NEBL: variants seen among roughly 807,000 people sequenced by gnomAD.
NEBL encodes the protein LIM and SH3 protein 2.
Under a neutral mutation model 140.2 loss-of-function variants are expected in NEBL, and 122 were observed. That is an observed-to-expected ratio of 0.87 (90% CI 0.75 to 1.01). The LOEUF (loss-of-function observed/expected upper bound fraction) is 1.01. Among genes scored for constraint, NEBL ranks in the 50% least tolerant of loss-of-function variants. The probability of loss-of-function intolerance (pLI) is 0.00; values close to 1 mark genes in which losing one functional copy is unlikely to be tolerated. For missense variants in NEBL, 1,365 were observed against 1,231.3 expected, an observed-to-expected ratio of 1.11 and a Z score of -1.62; for synonymous variants, 436 against 398.9, an observed-to-expected ratio of 1.09 and a Z score of -1.11.
chr10:20,967,580 A>G (rs1836376966), intron 3 of NEBL, among the ~76,000 whole-genome samples: 1 of 151,968 alleles, frequency 6.6e-6, no homozygotes, highest in Non-Finnish European at 1.5e-5. Flanking sequence ...GTGAGCTGAT[A>G]TCACACTGCT....
At chr10:21,002,750 CACTT>C (rs1420148263) in intron 3 of NEBL, among the ~76,000 whole-genome samples, 2 of 152,134 alleles carry the variant, frequency 1.3e-5, no homozygotes, top group African/African-American at 2.4e-5. Flanking sequence ...CGGGAGAACT[CACTT>C]ACCATCACGA....
rs903350451 is a variant in NEBL at position 20,870,219 on chromosome 10, G to A, written c.481-378C>T. The stretch of plus-strand genomic sequence containing the variant: ...TGTGCGCCTGTAATCCCAGCTACTC[G>A]GGAGGCTGAGGAAGGAAAATCGCTC... On this transcript the variant is annotated intron_variant, in intron 5 of 27. Coordinates refer to ENST00000377122, the MANE Select transcript of NEBL (RefSeq NM_006393.3). 5.9e-5 allele frequency among the ~76,000 whole-genome samples: 9 copies of A among 151,512 alleles called. No individual in the cohort carries two copies. The South Asian group carries it at 1.0e-3, about 18-fold the overall frequency.
intron 23 of NEBL, among the ~76,000 whole-genome samples, chr10:20,813,351 A>G (rs1838360312): frequency 6.6e-6 from 1 of 152,018 alleles, no homozygotes; most frequent in Non-Finnish European, 1.5e-5. Flanking sequence ...AAATGGCATT[A>G]TTTAAAATCA....
intron 19 of NEBL, among the ~76,000 whole-genome samples, chr10:20,822,860 C>G (rs774763096): frequency 5.3e-5 from 8 of 152,058 alleles, no homozygotes; most frequent in Non-Finnish European, 1.2e-4. Flanking sequence ...GTGGCGATGT[C>G]TGGGCTTTTA....
At chr10:21,255,218 T>C (rs565121771) in intron 1 of NEBL, among the ~76,000 whole-genome samples, 207 of 152,122 alleles carry the variant, frequency 1.4e-3, no homozygotes, top group Middle Eastern at 3.4e-3. Context: ...GTGGCACATA[T>C]GGGAATTAGA....
upstream of NEBL, chr10:20,897,648 T>C (rs2131416725): frequency 4.5e-6 from 3 of 661,014 alleles, no homozygotes; most frequent in Non-Finnish European, 5.6e-6. Flanking sequence ...CTTGTCTCTG[T>C]CTAAATAAAG....
intron 4 of NEBL, among the ~76,000 whole-genome samples, chr10:20,945,819 C>A (rs773793639): frequency 1.3e-5 from 2 of 152,018 alleles, no homozygotes; most frequent in Non-Finnish European, 2.9e-5. Context: ...GATTCAAGTA[C>A]TGGACTTTGA....
intron 2 of NEBL, among the ~76,000 whole-genome samples, chr10:20,891,921 T>G (rs920137002): frequency 6.6e-6 from 1 of 152,194 alleles, no homozygotes; most frequent in Admixed American, 6.5e-5. Context: ...AGATACATAT[T>G]AGTAGCCTTC....
At chr10:21,176,356 T>C (rs1161397645), upstream of NEBL, among the ~76,000 whole-genome samples, 1 of 152,194 alleles carries the variant, frequency 6.6e-6, no homozygotes, top group Non-Finnish European at 1.5e-5. Context: ...TGACATACAG[T>C]ATGAATGAAA....
chr10:21,288,967 C>T (rs1843106380), intron 1 of NEBL, among the ~76,000 whole-genome samples: 2 of 148,324 alleles, frequency 1.3e-5, no homozygotes, highest in South Asian at 4.4e-4. Context: ...TCTGCCTCAG[C>T]CTCCCGAGTA....
chr10:20,958,291 C>T (rs1835897498), intron 4 of NEBL, among the ~76,000 whole-genome samples: 1 of 152,056 alleles, frequency 6.6e-6, no homozygotes, highest in South Asian at 2.1e-4. Context: ...ATATTTCTGC[C>T]ATTTCTGAAT....
At chr10:21,158,088 C>T (rs916123163) in intron 2 of NEBL, among the ~76,000 whole-genome samples, 4 of 152,162 alleles carry the variant, frequency 2.6e-5, no homozygotes, top group Non-Finnish European at 5.9e-5. Flanking sequence ...TTAAGACACC[C>T]CGTTTATGGT....
intron 14 of NEBL, among the ~76,000 whole-genome samples, chr10:20,835,274 A>G (rs766473660): frequency 4.6e-5 from 7 of 152,190 alleles, no homozygotes; most frequent in Non-Finnish European, 8.8e-5. Context: ...GCATGTGTGC[A>G]TGTGTGTCTG....
At chr10:21,194,439 T>C (rs758789653) in intron 3 of NEBL, among the ~76,000 whole-genome samples, 1 of 152,188 alleles carries the variant, frequency 6.6e-6, no homozygotes, top group Non-Finnish European at 1.5e-5. Context: ...ACTTTGACTA[T>C]CTAACTGTTC....
At chr10:21,026,978 GTTGGCAGTGTTTGACA>G (rs1833524890) in intron 2 of NEBL, among the ~76,000 whole-genome samples, 1 of 152,188 alleles carries the variant, frequency 6.6e-6, no homozygotes, top group Non-Finnish European at 1.5e-5. Context: ...AGCTTCACTG[GTTGGCAGTGTTTGACA>G]TAGGTTGTCA....
intron 4 of NEBL, 39 bp from the exon 5 acceptor site, chr10:20,880,943 A>T: frequency 6.6e-7 from 1 of 1,519,068 alleles, no homozygotes; most frequent in South Asian, 1.1e-5. Context: ...ATTTAGAGGC[A>T]TATAAATTCT....
chr10:21,137,379 G>A (rs1199067971), intron 2 of NEBL, among the ~76,000 whole-genome samples: 1 of 152,188 alleles, frequency 6.6e-6, no homozygotes, highest in Non-Finnish European at 1.5e-5. Context: ...AGTCTTCATT[G>A]TTAACTGTTC....
At chr10:20,866,936 C>T (rs1844354870) in intron 7 of NEBL, among the ~76,000 whole-genome samples, 1 of 152,002 alleles carries the variant, frequency 6.6e-6, no homozygotes, top group South Asian at 2.1e-4. Flanking sequence ...CAACATTGGA[C>T]CCAAATCTTA....
chr10:21,176,104 G>A (rs1841294842), upstream of NEBL, among the ~76,000 whole-genome samples: 1 of 151,982 alleles, frequency 6.6e-6, no homozygotes, highest in Non-Finnish European at 1.5e-5. Context: ...CCAGGCTCAG[G>A]TGATCCTCCC....
Sources: allele counts gnomAD v4.1 joint callset (sites outside exome capture counted in the v4.1 genomes callset), GRCh38; gene constraint gnomAD v4.1.1; transcripts MANE v1.5; gene names NCBI Gene and HGNC (gene_info 2026-07-23, HGNC 2026-07-21).